ATP6V0A1: variants seen among roughly 807,000 people sequenced by gnomAD.
ATP6V0A1 encodes V-type proton ATPase 116 kDa subunit a 1.
A neutral mutation model predicts 105.4 loss-of-function variants in ATP6V0A1; 43 were observed. The observed-to-expected ratio is 0.41, with a 90% CI of 0.32 to 0.53. The LOEUF is 0.53. Ranked by LOEUF, ATP6V0A1 falls within the 20% of genes least tolerant of loss-of-function variation. The pLI is 0.30. For synonymous variants in ATP6V0A1, 362 were observed against 372.8 expected (o/e 0.97, Z 0.33); for missense variants, 676 against 1,051.1 (o/e 0.64, Z 4.93).
chr17:42,511,574 TAGG>T (rs979710135), intron 19 of ATP6V0A1: 4 of 148,542 alleles, frequency 2.7e-5, no homozygotes, highest in African/African-American at 1.0e-4. Context: ...TCCAGAGAGG[TAGG>T]AGGAAAACCA....
intron 10 of ATP6V0A1, among the ~76,000 whole-genome samples, chr17:42,490,002 T>C (rs568356527): frequency 6.6e-6 from 1 of 152,110 alleles, no homozygotes; most frequent in African/African-American, 2.4e-5. Context: ...GGGGCGTGCA[T>C]GGGGGAGAGA....
At chr17:42,490,451 T>C in intron 10 of ATP6V0A1, 36 bp from the exon 11 acceptor site, 1 of 1,567,582 alleles carries the variant, frequency 6.4e-7, no homozygotes, top group Non-Finnish European at 8.6e-7. Context: ...ATTAGGAGGA[T>C]AACCTAAGTT....
chr17:42,492,334 A>T (rs1330991420), intron 11 of ATP6V0A1, among the ~76,000 whole-genome samples: 1 of 151,952 alleles, frequency 6.6e-6, no homozygotes, highest in Non-Finnish European at 1.5e-5. Flanking sequence ...ATGCCACTGC[A>T]CTCCAGCTTG....
In ATP6V0A1 at chr17:42,514,003, G is replaced by A; in HGVS notation, c.2248+25G>A. The A allele has an allele frequency of 1.9e-6, 3 of 1,602,314 alleles. 1 individual carries two copies. The highest frequency in any genetic ancestry group is 2.2e-5 in the South Asian group (2 of 90,792). ...CGTGAGTACCTCTCTCCGGGCTCCG[G>A]AACTCTAGTTTCCCCCTCTGTGGGC... On this transcript the variant is annotated intron_variant, in intron 20 of 21. Coordinates refer to ENST00000343619, the MANE Select transcript of ATP6V0A1 (RefSeq NM_001130021.3).
intron 17 of ATP6V0A1, among the ~76,000 whole-genome samples, chr17:42,507,036 GC>G (rs1483280806): frequency 6.6e-6 from 1 of 152,206 alleles, no homozygotes; most frequent in Non-Finnish European, 1.5e-5. Flanking sequence ...GGAAGAAGTT[GC>G]TGGAATTCTT....
rs912141529 is a variant in ATP6V0A1 at position 42,460,824 on chromosome 17, T to G, written c.-47-24T>G. On this transcript the variant is annotated intron_variant, in intron 1 of 21. Coordinates refer to ENST00000343619, the MANE Select transcript of ATP6V0A1 (RefSeq NM_001130021.3). ...TAGCCCTCGTGGTAATTTCCAAAGT[T>G]ATGTCATTTTCTCTTTGCTTCAGGT... 2.3e-6 allele frequency: 3 copies of G among 1,292,834 alleles called. No homozygotes were observed. In the African/African-American group the frequency reaches 4.4e-5, roughly 19 times the overall value. 80.1% of individuals were successfully genotyped at this position (1,292,834 alleles called of 1,614,324 possible).
chr17:42,520,416 T>G (rs2092792292), intron 21 of ATP6V0A1: 2 of 456,250 alleles, frequency 4.4e-6, no homozygotes, highest in Non-Finnish European at 4.4e-6. Flanking sequence ...GGAAGGGAGC[T>G]CAGGCTTTTT....
In ATP6V0A1 at chr17:42,461,027, G is replaced by A. The variant is rs376972869; in HGVS notation, c.117+16G>A. ...GTTTCGTGACGTAAGTAGTTGTGGG[G>A]CTGCGACTTGATTACTGCTGAACTC... On this transcript the variant is annotated intron_variant, in intron 2 of 21. Transcript: ENST00000343619. 7 of 1,592,658 alleles carry A rather than the reference G, an allele frequency of 4.4e-6. No homozygotes were observed. In the Middle Eastern group the frequency reaches 5.0e-4, roughly 113 times the overall value.
intron 2 of ATP6V0A1, among the ~76,000 whole-genome samples, chr17:42,464,860 G>A (rs945758032): frequency 6.6e-6 from 1 of 152,012 alleles, no homozygotes; most frequent in African/African-American, 2.4e-5. Context: ...CACCTATTTG[G>A]TGCTTCATAA....
chr17:42,494,235 A>G lies in ATP6V0A1; in HGVS notation c.1175-99A>G, dbSNP rs2090940792. On this transcript the variant is annotated intron_variant, in intron 11 of 21. Transcript: ENST00000343619. ...GCTGACAGAGCAAGACTCCATCTCA[A>G]AAAAAAAAAGGGGGGTGGGTATGGA... The G allele has an allele frequency of 1.5e-5, 17 of 1,158,392 alleles. No homozygotes were observed. In the South Asian group the frequency reaches 2.9e-4, roughly 20 times the overall value. 71.8% of individuals were successfully genotyped at this position (1,158,392 alleles called of 1,614,324 possible).
chr17:42,517,692 A>G (rs1414317551), intron 21 of ATP6V0A1, among the ~76,000 whole-genome samples: 1 of 152,172 alleles, frequency 6.6e-6, no homozygotes, highest in South Asian at 2.1e-4. Context: ...CCTGTGGCCC[A>G]GGACTGCAGG....
In ATP6V0A1 at chr17:42,521,097, C is replaced by A; in HGVS notation, c.2491C>A (p.Arg831=). The A allele has an allele frequency of 6.2e-7, 1 of 1,609,248 alleles. No homozygotes were observed. The highest frequency in any genetic ancestry group is 1.1e-5 in the South Asian group (1 of 90,402). Reference sequence around the variant, plus strand: ...CTTACCCTTCTCCTTCGAGCATATTCGGGAAGGGAAGTTTGAAGAGTGAGT... The same window carrying A: ...CTTACCCTTCTCCTTCGAGCATATTAGGGAAGGGAAGTTTGAAGAGTGAGT... The part of the protein sequence containing the change: ...KFLPFSFEHI[R]EGKFEE The change falls in exon 22 of 22, where the codon CGG becomes AGG. Residue 831 remains arginine, a synonymous_variant. Coordinates refer to ENST00000343619, the MANE Select transcript of ATP6V0A1 (RefSeq NM_001130021.3). This position sits in a 1 kb window ranked among gnomAD's most constrained non-coding sequence, Gnocchi z 4.8.
intron 21 of ATP6V0A1, among the ~76,000 whole-genome samples, chr17:42,516,879 A>G (rs2092649694): frequency 6.6e-6 from 1 of 152,238 alleles, no homozygotes; most frequent in South Asian, 2.1e-4. Context: ...TGAGCAGAAC[A>G]TTCACTGCCA....
chr17:42,460,803 C>A, intron 1 of ATP6V0A1, 45 bp from the exon 2 acceptor site: 2 of 1,012,836 alleles, frequency 2.0e-6, no homozygotes, highest in South Asian at 1.3e-5. Flanking sequence ...TGCTCTTAGC[C>A]CTCGTGGTAA....
intron 6 of ATP6V0A1, 68 bp downstream of exon 6, chr17:42,477,810 T>A: frequency 7.6e-7 from 1 of 1,318,974 alleles, no homozygotes; most frequent in Non-Finnish European, 1.1e-6. Context: ...AGAAGAGCAG[T>A]GAGACTGGGG....
intron 21 of ATP6V0A1, chr17:42,518,594 C>G (rs2146361837): frequency 6.6e-6 from 1 of 152,360 alleles, no homozygotes; most frequent in Non-Finnish European, 1.5e-5. Context: ...CCTCCTTCAC[C>G]CACTCGAGGA....
chr17:42,479,239 GAGAA>G (rs1351255806), intron 7 of ATP6V0A1, among the ~76,000 whole-genome samples: 1 of 152,220 alleles, frequency 6.6e-6, no homozygotes, highest in Non-Finnish European at 1.5e-5. Context: ...TGTATAAAAA[GAGAA>G]GGAGAGATTT....
In ATP6V0A1 at chr17:42,480,694, A is replaced by G; in HGVS notation, c.661A>G (p.Ile221Val). The part of the protein sequence containing the change: ...TGDYVHKSVF[I>V]IFFQGDQLKN... Reference sequence around the variant, plus strand: ...CGACTACGTGCACAAGTCTGTGTTTATCATTTTCTTCCAAGGCGATCAGCT... The same window carrying G: ...CGACTACGTGCACAAGTCTGTGTTTGTCATTTTCTTCCAAGGCGATCAGCT... The change falls in exon 8 of 22, where the codon ATC becomes GTC. Residue 221 changes from isoleucine to valine, a missense_variant. Coordinates refer to ENST00000343619, the MANE Select transcript of ATP6V0A1 (RefSeq NM_001130021.3). 1 of 1,613,882 alleles carries G rather than the reference A, an allele frequency of 6.2e-7. No individual in the cohort carries two copies. The highest frequency in any genetic ancestry group is 8.5e-7 in the Non-Finnish European group (1 of 1,179,920).
At chr17:42,478,432 AG>A in intron 6 of ATP6V0A1, 30 bp from the exon 7 acceptor site, 1 of 1,553,402 alleles carries the variant, frequency 6.4e-7, no homozygotes, top group Non-Finnish European at 8.7e-7. Flanking sequence ...GACATGGAAT[AG>A]AGTTTCCAAT....
Sources: allele counts gnomAD v4.1 joint callset (sites outside exome capture counted in the v4.1 genomes callset), GRCh38; gene constraint gnomAD v4.1.1; non-coding constraint Gnocchi (gnomAD v3.1); transcripts MANE v1.5; gene names NCBI Gene and HGNC (gene_info 2026-07-23, HGNC 2026-07-21).